HYDIN: variants seen among roughly 807,000 people sequenced by gnomAD.
HYDIN encodes axonemal central pair apparatus protein HYDIN.
In HYDIN, 132 loss-of-function variants were observed where a neutral mutation model predicts 403.9. The ratio of observed to expected loss-of-function variants is 0.33; its 90% CI spans 0.28 to 0.38. HYDIN has a LOEUF of 0.38. Ranked by LOEUF, HYDIN falls within the 10% of genes least tolerant of loss-of-function variation. The pLI is 1.00. For synonymous variants in HYDIN, 1,202 were observed against 1,891.7 expected, an observed-to-expected ratio of 0.64 and a Z score of 9.46; for missense variants, 2,827 against 5,009.5, an observed-to-expected ratio of 0.56 and a Z score of 13.15.
At chr16:70,849,524 C>T (rs1313553867) in intron 75 of HYDIN, among the ~76,000 whole-genome samples, 2 of 152,022 alleles carry the variant, frequency 1.3e-5, no homozygotes, top group Non-Finnish European at 2.9e-5. Flanking sequence ...AATATAATTG[C>T]TTTTCAATCC....
chr16:71,101,878 A>C (rs1323144684), intron 10 of HYDIN, among the ~76,000 whole-genome samples: 5 of 152,142 alleles, frequency 3.3e-5, no homozygotes, highest in Non-Finnish European at 7.4e-5. Context: ...TGTACCTGAA[A>C]ACATGTTCAA....
At chr16:71,098,287 C>T (rs1382965268) in intron 10 of HYDIN, among the ~76,000 whole-genome samples, 2 of 151,318 alleles carry the variant, frequency 1.3e-5, no homozygotes, top group South Asian at 2.1e-4. Context: ...CTGCAAGCTC[C>T]GCCTCCCAGG....
At position 71,020,174 on chromosome 16, in the gene HYDIN, C is replaced by T. The variant is rs1198204403; in HGVS notation, c.3330G>A (p.Glu1110=). 9.9e-6 allele frequency: 16 copies of T among 1,613,686 alleles called. No individual in the cohort carries two copies. Among genetic ancestry groups the T allele is most frequent in the African/African-American group, 2.7e-5 (2 of 74,996 alleles). Residue 1110 remains glutamate, a splice_region_variant and synonymous_variant, in exon 22 of 86, where the codon GAG becomes GAA. Coordinates refer to ENST00000393567, the MANE Select transcript of HYDIN (RefSeq NM_001270974.2). The part of the protein sequence containing the change: ...TDKSLLPATP[E]PIKLEIDEEK... Reference sequence around the variant, plus strand: ...CCAGAACAGACCCCTATTAAGGTACCTCAGGAGTTGCCGGCAGCAGGGATT... The same window carrying T: ...CCAGAACAGACCCCTATTAAGGTACTTCAGGAGTTGCCGGCAGCAGGGATT...
In HYDIN at chr16:70,818,527, C is replaced by T. The variant is rs2035999714; in HGVS notation, c.14473G>A (p.Val4825Met). ...EVTNEFLYYN[V>M]SFRVIPSGII... ...CCTGAAGGGATGACCCTGAAACTCA[C>T]ATTGTAGTACAAGAACTCATTTGTC... is the stretch of plus-strand genomic sequence containing the variant. Residue 4825 changes from valine to methionine, a missense_variant, in exon 84 of 86, where the codon GTG becomes ATG. Physicochemically the swap from Val to Met is conservative, Grantham distance 21. Transcript: ENST00000393567. 3 of 1,327,766 alleles carry T rather than the reference C, an allele frequency of 2.3e-6. No homozygotes were observed. The highest frequency in any genetic ancestry group is 3.2e-6 in the Non-Finnish European group (3 of 943,086). The allele number at this position is 1,327,766 out of a possible 1,614,324, so 82.2% of individuals were successfully genotyped here.
chr16:71,152,904 T>C (rs1597895772), intron 6 of HYDIN, 121 bp from the exon 7 acceptor site: 1 of 634,374 alleles, frequency 1.6e-6, no homozygotes, highest in Non-Finnish European at 2.7e-6. Context: ...AATTTCATGA[T>C]CTAGAAGTGA....
chr16:71,083,606 T>C (rs1408130594), intron 12 of HYDIN, among the ~76,000 whole-genome samples: 1 of 146,514 alleles, frequency 6.8e-6, no homozygotes, highest in Non-Finnish European at 1.5e-5. Flanking sequence ...CTTACAGTAG[T>C]TCCTTATCTG....
At chr16:71,044,689 TTC>T (rs1055868385) in intron 18 of HYDIN, among the ~76,000 whole-genome samples, 6 of 136,464 alleles carry the variant, frequency 4.4e-5, no homozygotes, top group African/African-American at 1.6e-4. Context: ...AGGTCTATAA[TTC>T]TCATTTGTTC....
At chr16:71,172,517 A>T (rs527325476) in intron 5 of HYDIN, among the ~76,000 whole-genome samples, 11 of 152,028 alleles carry the variant, frequency 7.2e-5, no homozygotes, top group African/African-American at 2.4e-4. Context: ...ATATCCAATC[A>T]TTTTTTTTAA....
At chr16:71,158,457 T>C (rs1207737012) in intron 6 of HYDIN, among the ~76,000 whole-genome samples, 1 of 151,926 alleles carries the variant, frequency 6.6e-6, no homozygotes, top group Non-Finnish European at 1.5e-5. Context: ...GAAGTGATTT[T>C]TGCTTCACAT....
intron 1 of HYDIN, among the ~76,000 whole-genome samples, chr16:71,205,804 T>G (rs1179377453): frequency 1.3e-5 from 2 of 152,140 alleles, no homozygotes; most frequent in Non-Finnish European, 2.9e-5. Context: ...AGGAAGACCC[T>G]ACCCACCCCT....
intron 5 of HYDIN, among the ~76,000 whole-genome samples, chr16:71,173,576 G>C (rs867030945): frequency 6.6e-6 from 1 of 152,136 alleles, no homozygotes; most frequent in African/African-American, 2.4e-5. Flanking sequence ...AGACAGACTA[G>C]CATGACAAAC....
intron 62 of HYDIN, among the ~76,000 whole-genome samples, chr16:70,878,049 T>C (rs2040553097): frequency 1.3e-5 from 2 of 152,168 alleles, no homozygotes; most frequent in South Asian, 4.1e-4. Context: ...CATCCAAGTC[T>C]CATCTTGAAT....
At chr16:71,172,316 AG>A (rs1416588821) in intron 5 of HYDIN, among the ~76,000 whole-genome samples, 9 of 152,178 alleles carry the variant, frequency 5.9e-5, no homozygotes, top group Admixed American at 2.0e-4. Flanking sequence ...CTTAAGTCCA[AG>A]GAAGTACTTT....
chr16:71,184,927 G>A lies in HYDIN; in HGVS notation c.199C>T (p.Arg67Cys), dbSNP rs371990526. The A allele has an allele frequency of 3.1e-6, 5 of 1,610,528 alleles. No individual in the cohort carries two copies. Among genetic ancestry groups the A allele is most frequent in the African/African-American group, 1.3e-5 (1 of 74,760 alleles). The change falls in exon 3 of 86, where the codon CGT becomes TGT. Residue 67 changes from arginine (R) to cysteine (C), a missense_variant. Arg to Cys is a radical substitution (Grantham distance 180). Transcript: ENST00000393567. ...LTTEQRLAKT[R>C]LMCRPQIIEL... is the part of the protein sequence containing the mutation. ...ATGATCTGTGGTCGGCACATCAAAC[G>A]TGTTTTTGCCAGTCTCTGCTCGGTG... is the stretch of plus-strand genomic sequence containing the variant.
rs554633704 is a variant in HYDIN at position 71,228,707 on chromosome 16, G to A, written c.-24+1855C>T. Among the ~76,000 whole-genome samples, 11 of 152,270 alleles carry A rather than the reference G, an allele frequency of 7.2e-5. 1 individual carries two copies. In the East Asian group the frequency reaches 2.1e-3, roughly 29 times the overall value. ...ATAGGAACACTTTTACACTGTTGGT[G>A]GGACTGTAAACTAGTTCAACCATTG... On this transcript the variant is annotated intron_variant, in intron 1 of 85. Transcript: ENST00000393567.
chr16:71,193,960 C>G (rs12926113), intron 1 of HYDIN, among the ~76,000 whole-genome samples: 53,216 of 152,050 alleles, frequency 0.35, 9,786 homozygotes, highest in East Asian at 0.58. Flanking sequence ...TCCTTTCTAC[C>G]CAATACACAA....
At chr16:71,104,977 C>A (rs960059840) in intron 10 of HYDIN, among the ~76,000 whole-genome samples, 1 of 126,110 alleles carries the variant, frequency 7.9e-6, no homozygotes, top group Non-Finnish European at 1.6e-5. Flanking sequence ...TCAGTGATTA[C>A]TACAAACATG....
chr16:71,148,196 G>C (rs1436473511), intron 7 of HYDIN, among the ~76,000 whole-genome samples: 1 of 149,942 alleles, frequency 6.7e-6, no homozygotes, highest in Non-Finnish European at 1.5e-5. Context: ...ATCTATTCAA[G>C]ATTAAAAGTC....
At chr16:71,220,707 A>G (rs746123328) in intron 1 of HYDIN, among the ~76,000 whole-genome samples, 12 of 152,250 alleles carry the variant, frequency 7.9e-5, no homozygotes, top group Non-Finnish European at 1.5e-4. Context: ...CTGGGGAACC[A>G]GACTAGGAGA....
Sources: allele counts gnomAD v4.1 joint callset (sites outside exome capture counted in the v4.1 genomes callset), GRCh38; gene constraint gnomAD v4.1.1; transcripts MANE v1.5; gene names NCBI Gene and HGNC (gene_info 2026-07-23, HGNC 2026-07-21).